Variants in COL12A1 observed in about 807,000 individuals in gnomAD.
The protein encoded by COL12A1 is collagen alpha-1(XII) chain.
In COL12A1, 114 loss-of-function variants were observed where a neutral mutation model predicts 349.7. The ratio of observed to expected loss-of-function variants is 0.33; its 90% confidence interval spans 0.28 to 0.38. The LOEUF (loss-of-function observed/expected upper bound fraction) is 0.38, where lower values mean the gene tolerates loss of function less well. Among genes scored for constraint, COL12A1 ranks in the 10% least tolerant of loss-of-function variants. COL12A1 has a pLI of 1.00. For missense variants in COL12A1, 3,284 were observed against 3,756.9 expected (o/e 0.87, Z 3.29); for synonymous variants, 1,369 against 1,329.0 (o/e 1.03, Z -0.66).
intron 14 of COL12A1, among the ~76,000 whole-genome samples, chr6:75,160,720 A>G (rs1412269173): frequency 2.0e-5 from 3 of 152,184 alleles, no homozygotes; most frequent in Non-Finnish European, 4.4e-5. Context: ...GCATAAACCT[A>G]TGCATATCCT....
chr6:75,104,363 GA>G (rs1233295166), intron 54 of COL12A1, among the ~76,000 whole-genome samples: 1 of 151,980 alleles, frequency 6.6e-6, no homozygotes, highest in Non-Finnish European at 1.5e-5. Flanking sequence ...ACTGTTACTA[GA>G]AAAAAAGAAT....
intron 5 of COL12A1, among the ~76,000 whole-genome samples, chr6:75,191,372 C>G (rs1769922902): frequency 1.3e-5 from 2 of 151,956 alleles, no homozygotes; most frequent in African/African-American, 4.8e-5. Flanking sequence ...ATCAGTTTGT[C>G]TTTGAGAAAT....
chr6:75,174,339 G>A (rs556346447), intron 13 of COL12A1, among the ~76,000 whole-genome samples: 2 of 152,166 alleles, frequency 1.3e-5, no homozygotes, highest in East Asian at 1.9e-4. Context: ...GGCGGATCAC[G>A]AGGTCAGGAG....
chr6:75,137,658 A>G, intron 30 of COL12A1, 79 bp from the exon 31 acceptor site: 1 of 1,463,390 alleles, frequency 6.8e-7, no homozygotes, highest in Non-Finnish European at 9.4e-7. Context: ...TCCCAAGGCA[A>G]TCAGAGAATT....
At chr6:75,113,556 A>C (rs772107358) in intron 50 of COL12A1, 46 bp downstream of exon 50, 34 of 1,537,732 alleles carry the variant, frequency 2.2e-5, no homozygotes, top group Non-Finnish European at 2.9e-5. Flanking sequence ...AAAGAAAAAC[A>C]TAATCAAAAC....
At chr6:75,114,350 A>G (rs889965085) in intron 49 of COL12A1, among the ~76,000 whole-genome samples, 7 of 151,988 alleles carry the variant, frequency 4.6e-5, no homozygotes, top group African/African-American at 1.7e-4. Flanking sequence ...GGCCATATAC[A>G]TGTGCAAACA....
intron 59 of COL12A1, among the ~76,000 whole-genome samples, chr6:75,095,623 CAAAAAAAAAAAAA>C (rs58205028): frequency 1.7e-4 from 17 of 102,092 alleles, no homozygotes; most frequent in Non-Finnish European, 2.0e-4. Context: ...GACTCCGTCT[CAAAAAAAAAAAAA>C]AAAAAAAAAA....
chr6:75,114,160 C>T (rs1168070284), intron 49 of COL12A1, among the ~76,000 whole-genome samples: 2 of 151,714 alleles, frequency 1.3e-5, no homozygotes, highest in African/African-American at 4.8e-5. Context: ...ATGAATCTTA[C>T]TAAATATACT....
intron 1 of COL12A1, among the ~76,000 whole-genome samples, chr6:75,203,894 A>T (rs1770648736): frequency 6.6e-6 from 1 of 152,214 alleles, no homozygotes; most frequent in Admixed American, 6.5e-5. Flanking sequence ...GGAAAAATGG[A>T]GGGGGATAGG....
At position 75,192,666 on chromosome 6, in the gene COL12A1, T is replaced by C. The variant is rs7768671; in HGVS notation, c.191-311A>G. ...ATCTTTCATTGGTTTTGGAGACTAA[T>C]GGTAGATAACAGTTTTATAAATGAG... On this transcript the variant is annotated intron_variant, in intron 3 of 65. Coordinates refer to ENST00000322507, the MANE Select transcript of COL12A1 (RefSeq NM_004370.6). Among the ~76,000 whole-genome samples the C allele has an allele frequency of 0.85, 129,614 of 152,090 alleles. 56,133 individuals are homozygous for C. Among genetic ancestry groups the C allele is most frequent in the Non-Finnish European group, 0.93 (63,072 of 67,980 alleles).
At position 75,097,299 on chromosome 6, in the gene COL12A1, G is replaced by A; in HGVS notation, c.8531C>T (p.Thr2844Ile). ...PMGPPGDRGF[T>I]GKDGAMGPRG... ...GGGTCCCATTGCACCGTCTTTTCCAGTGAAGCCCTATTGTAAAAATGAAAG... is the reference window on the plus strand; with the variant it reads ...GGGTCCCATTGCACCGTCTTTTCCAATGAAGCCCTATTGTAAAAATGAAAG... The change falls in exon 59 of 66, where the codon ACT (threonine) becomes ATT (isoleucine). Residue 2844 changes from threonine to isoleucine, a missense_variant. By Grantham distance (89) the Thr-to-Ile change is moderately conservative. Around this residue, in one of 2 missense-constraint regions of COL12A1, gnomAD observed 683 missense variants for 932.1 expected, o/e 0.73. Transcript: ENST00000322507. 1.9e-6 allele frequency: 3 copies of A among 1,613,210 alleles called. No homozygotes were observed. In the South Asian group the frequency reaches 3.3e-5, roughly 18 times the overall value.
Position 75,090,037 on chromosome 6 carries a change from C to T in COL12A1, c.8941+73G>A, listed in dbSNP as rs776007958. The T allele has an allele frequency of 6.5e-7, 1 of 1,534,848 alleles. No individual in the cohort carries two copies. Among genetic ancestry groups the T allele is most frequent in the Non-Finnish European group, 8.9e-7 (1 of 1,118,566 alleles). Reference sequence around the variant, plus strand: ...GTTTGCCTAGGTCACCTTTCAGATGCCTTCAACCTGTCCCAACTCCTACAT... The same window carrying T: ...GTTTGCCTAGGTCACCTTTCAGATGTCTTCAACCTGTCCCAACTCCTACAT... On this transcript the variant is annotated intron_variant, in intron 63 of 65. Transcript: ENST00000322507. This position sits in a 1 kb window ranked among gnomAD's most constrained non-coding sequence, Gnocchi z 4.1.
intron 11 of COL12A1, 102 bp downstream of exon 11, chr6:75,180,837 G>T: frequency 1.5e-6 from 2 of 1,350,998 alleles, no homozygotes; most frequent in Non-Finnish European, 2.0e-6. Context: ...CAAAGGCATT[G>T]GCAATTCTGA....
At chr6:75,188,568 T>C (rs1457230144) in intron 7 of COL12A1, 33 bp from the exon 8 acceptor site, 1 of 1,600,146 alleles carries the variant, frequency 6.2e-7, no homozygotes, top group African/African-American at 1.3e-5. Context: ...CATATTGAAA[T>C]GGGAAATGTG....
At chr6:75,137,259 T>C (rs1766659855) in intron 31 of COL12A1, among the ~76,000 whole-genome samples, 178 bp downstream of exon 31, 1 of 151,948 alleles carries the variant, frequency 6.6e-6, no homozygotes, top group South Asian at 2.1e-4. Flanking sequence ...ATCCATTGAG[T>C]CTCCATGATG....
At chr6:75,099,323 C>T (rs756399664) in intron 58 of COL12A1, among the ~76,000 whole-genome samples, 1 of 152,140 alleles carries the variant, frequency 6.6e-6, no homozygotes, top group Admixed American at 6.5e-5. Flanking sequence ...TCTGATGTAA[C>T]ACCAATATCA....
intron 34 of COL12A1, 96 bp downstream of exon 34, chr6:75,133,197 C>A: frequency 2.6e-6 from 3 of 1,164,656 alleles, no homozygotes; most frequent in South Asian, 2.8e-5. Context: ...TCTATCACAC[C>A]AAACTTTCCT....
chr6:75,201,922 C>G (rs2149491624), intron 2 of COL12A1, among the ~76,000 whole-genome samples: 1 of 152,314 alleles, frequency 6.6e-6, no homozygotes, highest in East Asian at 1.9e-4. Context: ...GAAGGTCCGA[C>G]GCACCCGGCT....
chr6:75,085,279 C>G lies in COL12A1; in HGVS notation c.*1268G>C, dbSNP rs892372834. On this transcript the variant is annotated 3_prime_UTR_variant, in exon 66 of 66. Transcript: ENST00000322507. ...GCAGGCTCGTCTGCGCCGTAGTCCTCGTATTCCGCTGTCCGCTCGGGCTCC... is the reference window on the plus strand; with the variant it reads ...GCAGGCTCGTCTGCGCCGTAGTCCTGGTATTCCGCTGTCCGCTCGGGCTCC... 1 of 470,960 alleles carries G rather than the reference C, an allele frequency of 2.1e-6. No individual in the cohort carries two copies. The highest frequency in any genetic ancestry group is 7.0e-5 in the East Asian group (1 of 14,388). The allele number at this position is 470,960 out of a possible 1,614,324, so 29.2% of individuals were successfully genotyped here.
Sources: allele counts gnomAD v4.1 joint callset (sites outside exome capture counted in the v4.1 genomes callset), GRCh38; gene constraint gnomAD v4.1.1; regional missense constraint gnomAD v4.1.1; non-coding constraint Gnocchi (gnomAD v3.1); transcripts MANE v1.5; gene names NCBI Gene and HGNC (gene_info 2026-07-23, HGNC 2026-07-21).